DOCK3: variants seen among roughly 807,000 people sequenced by gnomAD.
The protein encoded by DOCK3 is dedicator of cytokinesis 3.
DOCK3 carries 60 observed loss-of-function variants against 265.6 expected under a neutral mutation model. The ratio of observed to expected loss-of-function variants is 0.23; its 90% CI spans 0.18 to 0.28. DOCK3 has a LOEUF of 0.28. Among genes scored for constraint, DOCK3 ranks in the 10% least tolerant of loss-of-function variants. The pLI is 1.00. For synonymous variants in DOCK3, 881 were observed against 938.0 expected (o/e 0.94, Z 1.11); for missense variants, 1,981 against 2,594.3 (o/e 0.76, Z 5.14).
chr3:51,318,825 A>T (rs1248401087), intron 32 of DOCK3, among the ~76,000 whole-genome samples: 2 of 152,178 alleles, frequency 1.3e-5, no homozygotes, highest in Non-Finnish European at 2.9e-5. Context: ...TTATATAAAT[A>T]TATAAATGAT....
chr3:51,264,383 C>G (rs991158588), intron 23 of DOCK3, among the ~76,000 whole-genome samples: 1 of 152,150 alleles, frequency 6.6e-6, no homozygotes, highest in Non-Finnish European at 1.5e-5. Context: ...ACCAGAACCT[C>G]TGGGACACAG....
chr3:50,686,678 G>A (rs1052760863), intron 1 of DOCK3, among the ~76,000 whole-genome samples: 1 of 152,132 alleles, frequency 6.6e-6, no homozygotes, highest in Non-Finnish European at 1.5e-5. Context: ...GGAGGCTGAG[G>A]CAGGTGGATC....
chr3:50,993,691 C>T (rs575137470), intron 5 of DOCK3, among the ~76,000 whole-genome samples: 12 of 152,328 alleles, frequency 7.9e-5, no homozygotes, highest in African/African-American at 2.6e-4. Context: ...TCATTCTGAT[C>T]TGTCATTACT....
chr3:51,227,459 C>G lies in DOCK3; in HGVS notation c.1540+14C>G. The stretch of plus-strand genomic sequence containing the variant: ...GACATTGTTCCAGTGAGTTAGACTT[C>G]CCCCCCTCCACATTCCCTTGAGAAT... On this transcript the variant is annotated intron_variant, in intron 16 of 52. Transcript: ENST00000266037. 1 of 1,613,006 alleles carries G rather than the reference C, an allele frequency of 6.2e-7. No individual in the cohort carries two copies. The highest frequency in any genetic ancestry group is 8.5e-7 in the Non-Finnish European group (1 of 1,179,286).
chr3:51,049,256 G>A (rs1395227858), intron 5 of DOCK3, among the ~76,000 whole-genome samples: 1 of 152,126 alleles, frequency 6.6e-6, no homozygotes, highest in East Asian at 1.9e-4. Context: ...AGCCTGGGAG[G>A]TGGCGATTGC....
chr3:50,946,130 T>G, intron 5 of DOCK3, among the ~76,000 whole-genome samples: 1 of 149,180 alleles, frequency 6.7e-6, no homozygotes. Context: ...CTTATAACTG[T>G]GCCTTGTGCA....
intron 5 of DOCK3, among the ~76,000 whole-genome samples, chr3:50,960,335 A>G (rs919142208): frequency 8.6e-5 from 13 of 151,876 alleles, no homozygotes; most frequent in African/African-American, 2.7e-4. Context: ...TGAGGGATCT[A>G]TTTTTTCCAC....
chr3:50,772,205 A>G lies in DOCK3; in HGVS notation c.38-6470A>G, dbSNP rs868535204. Among the ~76,000 whole-genome samples, 55 of 150,214 alleles carry G rather than the reference A, an allele frequency of 3.7e-4. 1 individual carries two copies. Among genetic ancestry groups the G allele is most frequent in the Middle Eastern group, 3.4e-3 (1 of 292 alleles). Reference sequence around the variant, plus strand: ...ATAAACCAGGCACAGAAAAACAGACATCACATGTTATCACTTATTTGTGGG... The same window carrying G: ...ATAAACCAGGCACAGAAAAACAGACGTCACATGTTATCACTTATTTGTGGG... On this transcript the variant is annotated intron_variant, in intron 1 of 52. Transcript: ENST00000266037.
At chr3:50,814,911 G>A (rs987630328) in intron 2 of DOCK3, among the ~76,000 whole-genome samples, 1 of 151,680 alleles carries the variant, frequency 6.6e-6, no homozygotes, top group African/African-American at 2.4e-5. Flanking sequence ...TGCAACCTCC[G>A]CCTCCTGGGT....
chr3:51,078,710 T>C (rs2082131019), intron 7 of DOCK3, among the ~76,000 whole-genome samples: 1 of 151,926 alleles, frequency 6.6e-6, no homozygotes, highest in South Asian at 2.1e-4. Context: ...AGTGGGAGAG[T>C]AGCCTAAAGA....
intron 1 of DOCK3, among the ~76,000 whole-genome samples, chr3:50,709,081 A>C (rs1323475642): frequency 6.6e-6 from 1 of 152,222 alleles, no homozygotes; most frequent in Non-Finnish European, 1.5e-5. Context: ...GCAGTGGACA[A>C]AAGTGCTAAG....
intron 3 of DOCK3, chr3:50,863,529 C>T (rs755178589): frequency 5.5e-5 from 27 of 487,572 alleles, no homozygotes; most frequent in Non-Finnish European, 8.9e-5. Flanking sequence ...TTCCAGGGGT[C>T]GATCTTTGCT....
intron 12 of DOCK3, among the ~76,000 whole-genome samples, chr3:51,187,039 C>T (rs1428777461): frequency 1.3e-5 from 2 of 152,190 alleles, no homozygotes; most frequent in East Asian, 1.9e-4. Context: ...CCACCATCCT[C>T]CAGACCCCAG....
rs374809835 is a variant in DOCK3, at chr3:51,188,168, A to G, written c.1038-20606A>G. Among the ~76,000 whole-genome samples the G allele has an allele frequency of 5.9e-5, 9 of 152,116 alleles. No homozygotes were observed. In the South Asian group the frequency reaches 1.0e-3, roughly 18 times the overall value. ...ATTTTAAACTATTTTCACTTTTTAA[A>G]ATTTCTTCATGAGATGCCCTCATAT... On this transcript the variant is annotated intron_variant, in intron 12 of 52. Transcript: ENST00000266037.
At chr3:50,714,932 G>A (rs1405536607) in intron 1 of DOCK3, among the ~76,000 whole-genome samples, 1 of 152,134 alleles carries the variant, frequency 6.6e-6, no homozygotes. Context: ...GTTCAAGGAG[G>A]CCTTCCTTGA....
At chr3:50,923,830 A>T (rs560654964) in intron 4 of DOCK3, among the ~76,000 whole-genome samples, 9 of 152,122 alleles carry the variant, frequency 5.9e-5, no homozygotes, top group Admixed American at 2.6e-4. Context: ...GTGCAGAGGG[A>T]TGCTGTAGTC....
chr3:50,864,896 T>C (rs1416714082), intron 3 of DOCK3, among the ~76,000 whole-genome samples: 1 of 152,166 alleles, frequency 6.6e-6, no homozygotes, highest in African/African-American at 2.4e-5. Flanking sequence ...GGCTTGGTTT[T>C]TTTTTCCCAG....
At chr3:51,181,729 G>C (rs1406866050) in intron 12 of DOCK3, among the ~76,000 whole-genome samples, 3 of 152,114 alleles carry the variant, frequency 2.0e-5, no homozygotes, top group Admixed American at 2.0e-4. Context: ...GAGAGAGAAG[G>C]ATGCGGGATT....
At chr3:51,092,147 G>A (rs1356796094) in intron 9 of DOCK3, among the ~76,000 whole-genome samples, 14 of 152,160 alleles carry the variant, frequency 9.2e-5, no homozygotes, top group East Asian at 3.8e-4. Context: ...CACCTGGAAC[G>A]CCAGTGATAC....
Sources: allele counts gnomAD v4.1 joint callset (sites outside exome capture counted in the v4.1 genomes callset), GRCh38; gene constraint gnomAD v4.1.1; transcripts MANE v1.5; gene names NCBI Gene and HGNC (gene_info 2026-07-23, HGNC 2026-07-21).